DPYD: variants seen among roughly 807,000 people sequenced by gnomAD.
DPYD encodes the protein dihydropyrimidine dehydrogenase [NADP(+)].
DPYD carries 109 observed loss-of-function variants against 116.2 expected under a neutral mutation model. That is an observed-to-expected ratio of 0.94 (90% confidence interval 0.80 to 1.10). The LOEUF (loss-of-function observed/expected upper bound fraction) is 1.10. Among genes scored for constraint, DPYD ranks in the 50% least tolerant of loss-of-function variants. The pLI, the probability that DPYD is intolerant of heterozygous loss-of-function variation, is 0.00. For synonymous variants in DPYD, 440 were observed against 432.0 expected, an observed-to-expected ratio of 1.02 and a Z score of -0.23; for missense variants, 1,302 against 1,254.5, an observed-to-expected ratio of 1.04 and a Z score of -0.57.
intron 8 of DPYD, among the ~76,000 whole-genome samples, chr1:97,626,235 T>A (rs1419529512): frequency 6.6e-6 from 1 of 151,968 alleles, no homozygotes; most frequent in African/African-American, 2.4e-5. Context: ...GCTAAATCAA[T>A]GGGAAAAAAA....
intron 18 of DPYD, among the ~76,000 whole-genome samples, chr1:97,274,276 G>T (rs1664782627): frequency 6.6e-6 from 1 of 152,134 alleles, no homozygotes; most frequent in Non-Finnish European, 1.5e-5. Flanking sequence ...GGCCATGGGG[G>T]CAGATCTCTC....
intron 20 of DPYD, among the ~76,000 whole-genome samples, chr1:97,147,823 T>C (rs1233385046): frequency 1.3e-5 from 2 of 152,186 alleles, no homozygotes; most frequent in African/African-American, 4.8e-5. Context: ...GTAATAGCTC[T>C]CTTTTACTGT....
At chr1:97,671,637 TC>T (rs1379112429) in intron 8 of DPYD, among the ~76,000 whole-genome samples, 36 of 152,264 alleles carry the variant, frequency 2.4e-4, no homozygotes, top group Middle Eastern at 3.4e-3. Context: ...TTCTTTTTTT[TC>T]TTTTTCCAAT....
At chr1:97,094,644 A>G (rs2101586113) in intron 21 of DPYD, among the ~76,000 whole-genome samples, 1 of 152,262 alleles carries the variant, frequency 6.6e-6, no homozygotes, top group Admixed American at 6.5e-5. Flanking sequence ...TATGATGGCT[A>G]CTGGGTTCCT....
At chr1:97,253,644 T>C (rs116839157) in intron 18 of DPYD, among the ~76,000 whole-genome samples, 119 of 152,264 alleles carry the variant, frequency 7.8e-4, no homozygotes, top group Non-Finnish European at 1.4e-3. Flanking sequence ...GCACAAAAAC[T>C]TTCCAACACA....
intron 5 of DPYD, chr1:97,719,715 C>T: frequency 1.0e-6 from 1 of 984,960 alleles, no homozygotes; most frequent in Non-Finnish European, 1.2e-6. Context: ...TAAAATCAGG[C>T]ACCCTAATCG....
At chr1:97,254,481 G>A (rs755819613) in intron 18 of DPYD, among the ~76,000 whole-genome samples, 1 of 151,928 alleles carries the variant, frequency 6.6e-6, no homozygotes, top group East Asian at 1.9e-4. Context: ...TCCATTAATG[G>A]AGTGATGTCC....
rs538929192 is a variant in DPYD at position 97,456,932 on chromosome 1, T to C, written c.1741-6709A>G. On this transcript the variant is annotated intron_variant, in intron 13 of 22. Transcript: ENST00000370192. ...CCTTGCAAGATCAAAATTCTAAGAA[T>C]GCTTTGACATTCTCCAGTGTTTTAG... is the stretch of plus-strand genomic sequence containing the variant. Among the ~76,000 whole-genome samples, 4 of 152,212 alleles carry C rather than the reference T, an allele frequency of 2.6e-5. No individual in the cohort carries two copies. In the South Asian group the frequency reaches 8.3e-4, roughly 32 times the overall value.
Position 97,895,540 on chromosome 1 carries a change from T to C in DPYD, c.40-12166A>G, listed in dbSNP as rs566229845. 5.9e-5 allele frequency among the ~76,000 whole-genome samples: 9 copies of C among 151,826 alleles called. 1 individual carries two copies. Among genetic ancestry groups the C allele is most frequent in the African/African-American group, 2.2e-4 (9 of 41,494 alleles). Reference sequence around the variant, plus strand: ...TAACAGCTAAAAGGAAATATATATATGGGCTGGCAAGTGACTTATGTTAAA... The same window carrying C: ...TAACAGCTAAAAGGAAATATATATACGGGCTGGCAAGTGACTTATGTTAAA... On this transcript the variant is annotated intron_variant, in intron 1 of 22. Transcript: ENST00000370192.
At chr1:97,356,480 T>G (rs1053193910) in intron 16 of DPYD, among the ~76,000 whole-genome samples, 1 of 152,204 alleles carries the variant, frequency 6.6e-6, no homozygotes, top group East Asian at 1.9e-4. Flanking sequence ...TGTGATCAGG[T>G]AGCAATATTT....
chr1:97,347,682 T>C (rs1449217827), intron 16 of DPYD, among the ~76,000 whole-genome samples: 1 of 152,090 alleles, frequency 6.6e-6, no homozygotes, highest in African/African-American at 2.4e-5. Context: ...TGATTGTTTT[T>C]TCAATTGACA....
chr1:97,361,486 G>T (rs1331406305), intron 16 of DPYD, among the ~76,000 whole-genome samples: 2 of 152,126 alleles, frequency 1.3e-5, no homozygotes, highest in African/African-American at 4.8e-5. Context: ...CCAAAGCCTG[G>T]CAGAGACACA....
At chr1:97,486,886 CTTGT>C (rs1678670807) in intron 13 of DPYD, among the ~76,000 whole-genome samples, 1 of 151,666 alleles carries the variant, frequency 6.6e-6, no homozygotes. Context: ...AAGTTATCAA[CTTGT>C]TTATTTTTCA....
In DPYD at chr1:97,098,550, A is replaced by G; in HGVS notation, c.2705T>C (p.Val902Ala). The change falls in exon 21 of 23, where the codon GTA becomes GCA. Residue 902 changes from valine to alanine, a missense_variant. By Grantham distance (64) the Val-to-Ala change is moderately conservative. Transcript: ENST00000370192. ...ENKIRLKEQN[V>A]AFSPLKRNCF... ...GTTTCTCTTAAGTGGTGAAAAAGCTACATTTTGTTCTTTCAGTCTAATCTT... is the reference window on the plus strand; with the variant it reads ...GTTTCTCTTAAGTGGTGAAAAAGCTGCATTTTGTTCTTTCAGTCTAATCTT... 1 of 1,613,250 alleles carries G rather than the reference A, an allele frequency of 6.2e-7. No homozygotes were observed. Among genetic ancestry groups the G allele is most frequent in the Non-Finnish European group, 8.5e-7 (1 of 1,179,484 alleles).
intron 5 of DPYD, among the ~76,000 whole-genome samples, chr1:97,713,175 T>C (rs886930899): frequency 1.3e-5 from 2 of 152,140 alleles, no homozygotes; most frequent in African/African-American, 2.4e-5. Flanking sequence ...TACAATAATA[T>C]TGCTTTATAC....
At chr1:97,706,844 G>C (rs920938464) in intron 5 of DPYD, among the ~76,000 whole-genome samples, 2 of 152,008 alleles carry the variant, frequency 1.3e-5, no homozygotes, top group African/African-American at 4.8e-5. Context: ...GCATGTTAAC[G>C]TAAGTTTTCA....
intron 13 of DPYD, among the ~76,000 whole-genome samples, chr1:97,475,837 C>T (rs1248842443): frequency 6.6e-6 from 1 of 151,478 alleles, no homozygotes; most frequent in Non-Finnish European, 1.5e-5. Context: ...TGGCCTAATC[C>T]TCCTTGCAAC....
chr1:97,177,858 C>A (rs892777719), intron 20 of DPYD, among the ~76,000 whole-genome samples: 1 of 151,998 alleles, frequency 6.6e-6, no homozygotes, highest in Non-Finnish European at 1.5e-5. Flanking sequence ...CCATTCTGGA[C>A]GCTGGGAAGT....
intron 18 of DPYD, 117 bp downstream of exon 18, chr1:97,305,142 T>C: frequency 1.4e-6 from 2 of 1,427,286 alleles, no homozygotes; most frequent in South Asian, 1.2e-5. Flanking sequence ...GGAATATTGA[T>C]CAGCTATGAG....
Sources: allele counts gnomAD v4.1 joint callset (sites outside exome capture counted in the v4.1 genomes callset), GRCh38; gene constraint gnomAD v4.1.1; transcripts MANE v1.5; gene names NCBI Gene and HGNC (gene_info 2026-07-23, HGNC 2026-07-21).